CAMK1D: variants seen among roughly 807,000 people sequenced by gnomAD.
CAMK1D encodes calcium/calmodulin-dependent protein kinase type 1D.
A neutral mutation model predicts 47.7 loss-of-function variants in CAMK1D; 9 were observed. That is an observed-to-expected ratio of 0.19 (90% CI 0.11 to 0.33). The LOEUF (loss-of-function observed/expected upper bound fraction) is 0.33, where lower values mean the gene tolerates loss of function less well. Ranked by LOEUF, CAMK1D falls within the 10% of genes least tolerant of loss-of-function variation. The pLI, the probability that CAMK1D is intolerant of heterozygous loss-of-function variation, is 1.00. For synonymous variants in CAMK1D, 184 were observed against 184.9 expected, an observed-to-expected ratio of 0.99 and a Z score of 0.04; for missense variants, 291 against 488.7, an observed-to-expected ratio of 0.60 and a Z score of 3.81.
intron 2 of CAMK1D, among the ~76,000 whole-genome samples, chr10:12,608,663 C>T (rs1838534180): frequency 6.6e-6 from 1 of 152,204 alleles, no homozygotes. Context: ...TATTTCTTCA[C>T]TGAATATGAT....
At chr10:12,422,482 C>T (rs574644724) in intron 1 of CAMK1D, among the ~76,000 whole-genome samples, 1 of 152,182 alleles carries the variant, frequency 6.6e-6, no homozygotes, top group Admixed American at 6.5e-5. Context: ...CGAGGGGATG[C>T]GATGCCTGGA....
Position 12,723,251 on chromosome 10 carries a change from C to T in CAMK1D, c.300-37697C>T, listed in dbSNP as rs560351092. On this transcript the variant is annotated intron_variant, in intron 3 of 10. Transcript: ENST00000619168. ...AATTGAGATTTATTAGGTGTTTGAA[C>T]GGTCTGAACGGGAGAATTGTAGAAT... Among the ~76,000 whole-genome samples, 8 of 152,190 alleles carry T rather than the reference C, an allele frequency of 5.3e-5. No homozygotes were observed. In the South Asian group the frequency reaches 6.2e-4, roughly 12 times the overall value.
At chr10:12,692,244 GCTT>G (rs1295383197) in intron 3 of CAMK1D, among the ~76,000 whole-genome samples, 1 of 152,194 alleles carries the variant, frequency 6.6e-6, no homozygotes, top group Admixed American at 6.6e-5. Flanking sequence ...AATGTCACCT[GCTT>G]CTTCTGTTGT....
chr10:12,624,555 A>G (rs932914502), intron 2 of CAMK1D, among the ~76,000 whole-genome samples: 3 of 152,176 alleles, frequency 2.0e-5, no homozygotes, highest in Non-Finnish European at 4.4e-5. Flanking sequence ...AGGTTCATCC[A>G]TGTTGTCACC....
chr10:12,694,570 A>G (rs1041156287), intron 3 of CAMK1D, among the ~76,000 whole-genome samples: 1 of 82,208 alleles, frequency 1.2e-5, no homozygotes, highest in Non-Finnish European at 2.3e-5. Flanking sequence ...AATATATAAT[A>G]TATAAAAATA....
chr10:12,531,906 G>A (rs1187965555), intron 1 of CAMK1D, among the ~76,000 whole-genome samples: 1 of 152,218 alleles, frequency 6.6e-6, no homozygotes, highest in South Asian at 2.1e-4. Context: ...TAAAGTCAAA[G>A]GAGATTTTCT....
intron 8 of CAMK1D, among the ~76,000 whole-genome samples, chr10:12,822,603 C>T (rs1833055373): frequency 6.6e-6 from 1 of 152,206 alleles, no homozygotes; most frequent in African/African-American, 2.4e-5. Context: ...TGGCTCTGCC[C>T]TGCAGCAGTG....
chr10:12,808,337 A>G (rs1047188574), intron 6 of CAMK1D, among the ~76,000 whole-genome samples: 1 of 152,226 alleles, frequency 6.6e-6, no homozygotes, highest in Admixed American at 6.5e-5. Context: ...TTCTTAACTT[A>G]GCATTGTATT....
intron 3 of CAMK1D, among the ~76,000 whole-genome samples, chr10:12,709,600 C>G (rs1364763879): frequency 6.6e-6 from 1 of 152,094 alleles, no homozygotes; most frequent in Non-Finnish European, 1.5e-5. Flanking sequence ...ACTTAGTGCT[C>G]TAGGTACATA....
intron 2 of CAMK1D, among the ~76,000 whole-genome samples, chr10:12,566,481 C>G (rs1299171101): frequency 1.3e-5 from 2 of 152,222 alleles, no homozygotes; most frequent in Admixed American, 1.3e-4. Context: ...CTCTTGCTTT[C>G]CTCGGTTATC....
intron 1 of CAMK1D, among the ~76,000 whole-genome samples, chr10:12,405,812 T>G (rs775760983): frequency 1.6e-4 from 25 of 152,228 alleles, no homozygotes; most frequent in Non-Finnish European, 8.8e-5. Context: ...GCATGCGTTG[T>G]TAAACATTTA....
At chr10:12,372,245 C>G (rs1383566318) in intron 1 of CAMK1D, among the ~76,000 whole-genome samples, 1 of 152,182 alleles carries the variant, frequency 6.6e-6, no homozygotes, top group Non-Finnish European at 1.5e-5. Context: ...TTAAGTGATG[C>G]ATGGCTGTAT....
At chr10:12,691,003 T>TC (rs1283194224) in intron 3 of CAMK1D, among the ~76,000 whole-genome samples, 2 of 152,026 alleles carry the variant, frequency 1.3e-5, no homozygotes, top group Non-Finnish European at 2.9e-5. Context: ...ACTGGGGGCG[T>TC]CGTTTCACAA....
At chr10:12,400,035 G>C (rs1292729307) in intron 1 of CAMK1D, among the ~76,000 whole-genome samples, 2 of 152,156 alleles carry the variant, frequency 1.3e-5, no homozygotes, top group African/African-American at 2.4e-5. Context: ...TTCAGTATTG[G>C]CTAATACGGC....
intron 1 of CAMK1D, among the ~76,000 whole-genome samples, chr10:12,514,767 G>A (rs1835139214): frequency 6.6e-6 from 1 of 152,258 alleles, no homozygotes; most frequent in Admixed American, 6.5e-5. Flanking sequence ...TCAATAAGAA[G>A]TGTCTAATAC....
chr10:12,763,355 G>A (rs889670722), intron 4 of CAMK1D, among the ~76,000 whole-genome samples: 3 of 152,182 alleles, frequency 2.0e-5, no homozygotes, highest in Non-Finnish European at 2.9e-5. Context: ...TGCAGCAATC[G>A]GAATACTGCC....
intron 6 of CAMK1D, among the ~76,000 whole-genome samples, chr10:12,813,618 G>A (rs1043328342): frequency 3.9e-5 from 6 of 152,106 alleles, no homozygotes; most frequent in Non-Finnish European, 7.4e-5. Flanking sequence ...ATTTACCTTT[G>A]ATCATGACCT....
At chr10:12,471,775 T>G (rs2132076444) in intron 1 of CAMK1D, among the ~76,000 whole-genome samples, 1 of 152,260 alleles carries the variant, frequency 6.6e-6, no homozygotes. Context: ...CTCATACCTG[T>G]AATCCCAGCA....
chr10:12,799,066 G>A (rs946718832), intron 6 of CAMK1D, among the ~76,000 whole-genome samples: 6 of 152,172 alleles, frequency 3.9e-5, no homozygotes, highest in Non-Finnish European at 7.4e-5. Context: ...GAGGCCAGGA[G>A]GGGAGGGATT....
Sources: gnomAD v4.1 joint callset for allele counts (sites outside exome capture counted in the v4.1 genomes callset) on GRCh38, gnomAD v4.1.1 for gene constraint, MANE v1.5 for transcripts, NCBI Gene and HGNC (gene_info 2026-07-23, HGNC 2026-07-21) for gene names.